Variants in SH3BP5 observed in about 807,000 individuals in gnomAD.
SH3BP5 encodes SH3 domain binding protein 5, also known as SH3 domain-binding protein 5.
SH3BP5 carries 22 observed loss-of-function variants against 43.3 expected under a neutral mutation model. The ratio of observed to expected loss-of-function variants is 0.51; its 90% CI spans 0.36 to 0.73. The LOEUF (loss-of-function observed/expected upper bound fraction) is 0.73, where lower values mean the gene tolerates loss of function less well. Ranked by LOEUF, SH3BP5 falls within the 30% of genes least tolerant of loss-of-function variation. The probability of loss-of-function intolerance (pLI) is 0.00; values close to 1 mark genes in which losing one functional copy is unlikely to be tolerated. For missense variants in SH3BP5, 529 were observed against 586.9 expected (o/e 0.90, Z 1.02); for synonymous variants, 255 against 225.8 (o/e 1.13, Z -1.16).
Position 15,312,185 on chromosome 3 carries a change from T to C in SH3BP5, c.202-7954A>G, listed in dbSNP as rs375416360. On this transcript the variant is annotated intron_variant, in intron 2 of 8. Transcript: ENST00000383791. ...TCCAGAAGCTACCTGACAGGTGACA[T>C]GGCAAGAAATGACATGAAATGCAGA... Among the ~76,000 whole-genome samples, 14 of 152,320 alleles carry C rather than the reference T, an allele frequency of 9.2e-5. 2 individuals are homozygous for C. The highest frequency in any genetic ancestry group is 1.9e-4 in the East Asian group (1 of 5,186).
At position 15,255,420 on chromosome 3, in the gene SH3BP5, C is replaced by T. The variant is rs1185286843; in HGVS notation, c.*666G>A. The T allele has an allele frequency of 1.3e-5, 2 of 152,674 alleles. No individual in the cohort carries two copies. The highest frequency in any genetic ancestry group is 2.9e-5 in the Non-Finnish European group (2 of 68,090). The allele number at this position is 152,674 out of a possible 1,614,324, so 9.5% of individuals were successfully genotyped here. ...CTATAAGTCCCTCCTACCCTCATCC[C>T]CCCGCATCCCCACTGGCATTCACCT... is the stretch of plus-strand genomic sequence containing the variant. On this transcript the variant is annotated 3_prime_UTR_variant, in exon 9 of 9. Coordinates refer to ENST00000383791, the MANE Select transcript of SH3BP5 (RefSeq NM_004844.5).
chr3:15,292,010 A>G (rs1697425674), intron 3 of SH3BP5, among the ~76,000 whole-genome samples: 1 of 152,198 alleles, frequency 6.6e-6, no homozygotes, highest in African/African-American at 2.4e-5. Flanking sequence ...AAACCTCGTC[A>G]CCAGGCAACA....
At chr3:15,284,418 C>T (rs1036212633) in intron 3 of SH3BP5, among the ~76,000 whole-genome samples, 7 of 152,234 alleles carry the variant, frequency 4.6e-5, no homozygotes, top group Non-Finnish European at 8.8e-5. Context: ...GCTGGAAGCG[C>T]CAATGTCAAA....
chr3:15,312,605 T>C (rs1698086739), intron 2 of SH3BP5, among the ~76,000 whole-genome samples: 1 of 152,174 alleles, frequency 6.6e-6, no homozygotes, highest in Non-Finnish European at 1.5e-5. Context: ...ATGAAGCAGT[T>C]GTTGCTTCTC....
intron 2 of SH3BP5, among the ~76,000 whole-genome samples, chr3:15,314,848 C>T (rs553114078): frequency 6.6e-6 from 1 of 152,226 alleles, no homozygotes; most frequent in East Asian, 1.9e-4. Context: ...CATCTCAGTC[C>T]CTGACCAACT....
At chr3:15,341,020 C>T (rs1559466260) in intron 1 of SH3BP5, among the ~76,000 whole-genome samples, 1 of 151,912 alleles carries the variant, frequency 6.6e-6, no homozygotes, top group Non-Finnish European at 1.5e-5. Flanking sequence ...CCACTGTGCT[C>T]CAGCCTGGGC....
intron 3 of SH3BP5, among the ~76,000 whole-genome samples, chr3:15,293,917 A>T (rs1195298463): frequency 6.6e-6 from 1 of 152,004 alleles, no homozygotes; most frequent in African/African-American, 2.4e-5. Context: ...GTCTCTACTA[A>T]AAATACAAAA....
intron 3 of SH3BP5, among the ~76,000 whole-genome samples, chr3:15,287,388 G>A (rs1697293955): frequency 6.6e-6 from 1 of 152,160 alleles, no homozygotes; most frequent in South Asian, 2.1e-4. Flanking sequence ...AAAGCCGAGG[G>A]AGCGGGGCTA....
At chr3:15,282,547 G>A (rs1477838670) in intron 3 of SH3BP5, among the ~76,000 whole-genome samples, 2 of 151,846 alleles carry the variant, frequency 1.3e-5, no homozygotes, top group African/African-American at 4.8e-5. Flanking sequence ...TAATTTGAGG[G>A]GAAAAGGGAG....
chr3:15,265,781 C>CCATACTCCGGAGCAG (rs1385004233), intron 4 of SH3BP5, among the ~76,000 whole-genome samples: 3 of 151,876 alleles, frequency 2.0e-5, no homozygotes, highest in Admixed American at 6.6e-5. Context: ...AAACTGCACC[C>CCATACTCCGGAGCAG]CATACTCCGG....
At chr3:15,323,232 T>C (rs766839101) in intron 2 of SH3BP5, among the ~76,000 whole-genome samples, 1 of 152,220 alleles carries the variant, frequency 6.6e-6, no homozygotes, top group Non-Finnish European at 1.5e-5. Flanking sequence ...AACGCCCTGC[T>C]GATCCAGTGA....
chr3:15,331,435 T>G (rs1002663679), intron 1 of SH3BP5, among the ~76,000 whole-genome samples: 1 of 152,172 alleles, frequency 6.6e-6, no homozygotes, highest in Non-Finnish European at 1.5e-5. Context: ...AAAAAATGAT[T>G]TATTGAAAAG....
rs558320840 is a variant in SH3BP5, at chr3:15,274,934, G to T, written c.331-5057C>A. ...TGGGAGGTGGTGCTATACCATTCAT[G>T]AGCAACAGCCTCCATGATTAAATCA... On this transcript the variant is annotated intron_variant, in intron 3 of 8. Transcript: ENST00000383791. Among the ~76,000 whole-genome samples the T allele has an allele frequency of 5.3e-5, 8 of 152,318 alleles. No individual in the cohort carries two copies. In the East Asian group the frequency reaches 1.5e-3, roughly 29 times the overall value.
intron 3 of SH3BP5, among the ~76,000 whole-genome samples, chr3:15,286,072 G>A (rs1697256839): frequency 6.6e-6 from 1 of 152,260 alleles, no homozygotes; most frequent in Admixed American, 6.5e-5. Context: ...TATCATGTAA[G>A]TGGGAAGACG....
rs28479857 is a variant in SH3BP5, at chr3:15,311,988, C to T, written c.202-7757G>A. ...ACCAGCCATCTTCAGTCTTGTAGTC[C>T]AGTGTGCCAGTCACTTCACCAGTGG... On this transcript the variant is annotated intron_variant, in intron 2 of 8. Transcript: ENST00000383791. 1.7e-3 allele frequency among the ~76,000 whole-genome samples: 256 copies of T among 152,192 alleles called. 1 individual carries two copies. Among genetic ancestry groups the T allele is most frequent in the African/African-American group, 5.6e-3 (234 of 41,518 alleles).
chr3:15,298,855 G>A (rs1697651455), intron 3 of SH3BP5, among the ~76,000 whole-genome samples: 1 of 152,130 alleles, frequency 6.6e-6, no homozygotes, highest in South Asian at 2.1e-4. Context: ...CTGGGAAGAT[G>A]CAAGGGTTCT....
chr3:15,286,320 G>T (rs1697264628), intron 3 of SH3BP5, among the ~76,000 whole-genome samples: 1 of 152,204 alleles, frequency 6.6e-6, no homozygotes. Context: ...CTCTCCATGT[G>T]AGCCCGGGTT....
chr3:15,262,892 A>G (rs955613250), intron 4 of SH3BP5, among the ~76,000 whole-genome samples: 1 of 152,112 alleles, frequency 6.6e-6, no homozygotes, highest in Admixed American at 6.6e-5. Context: ...CAGGAGATGA[A>G]GGTTGCAGTA....
chr3:15,257,491 C>G, intron 7 of SH3BP5: 1 of 171,538 alleles, frequency 5.8e-6, no homozygotes, highest in South Asian at 1.6e-4. Flanking sequence ...TCCTCTGTAA[C>G]ATATCCCAAA....
Sources: gnomAD v4.1 joint callset for allele counts (sites outside exome capture counted in the v4.1 genomes callset) on GRCh38, gnomAD v4.1.1 for gene constraint, MANE v1.5 for transcripts, NCBI Gene and HGNC (gene_info 2026-07-23, HGNC 2026-07-21) for gene names.